IQCH: variants seen among roughly 807,000 people sequenced by gnomAD.
IQCH encodes the protein IQ motif containing H.
Under a neutral mutation model 117.0 loss-of-function variants are expected in IQCH, and 98 were observed. The ratio of observed to expected loss-of-function variants is 0.84; its 90% confidence interval spans 0.71 to 0.99. The LOEUF is 0.99. Among genes scored for constraint, IQCH ranks in the 50% least tolerant of loss-of-function variants. The pLI, the probability that IQCH is intolerant of heterozygous loss-of-function variation, is 0.00. For synonymous variants in IQCH, 412 were observed against 448.2 expected (o/e 0.92, Z 1.02); for missense variants, 1,102 against 1,243.8 (o/e 0.89, Z 1.72).
At position 67,404,656 on chromosome 15, in the gene IQCH, TTAAA is replaced by T. The variant is rs935777125; in HGVS notation, c.2097+4354_2097+4357del. 6.6e-6 allele frequency: 1 copy of T among 152,222 alleles called. No homozygotes were observed. The highest frequency in any genetic ancestry group is 2.4e-5 in the African/African-American group (1 of 41,458). 9.4% of individuals were successfully genotyped at this position (152,222 alleles called of 1,614,324 possible). On this transcript the variant is annotated intron_variant, in intron 14 of 20. Transcript: ENST00000335894. The surrounding 1 kb of genome is among the most constrained non-coding windows in gnomAD (Gnocchi z 4.6). ...GTATATGCTAGTTAAACATCAGATC[TTAAA>T]TATTTTCCATGTTTATACATAGTCG... is the stretch of plus-strand genomic sequence containing the variant.
chr15:67,379,019 G>T (rs2140811531), intron 10 of IQCH, among the ~76,000 whole-genome samples: 1 of 152,072 alleles, frequency 6.6e-6, no homozygotes, highest in Admixed American at 6.5e-5. Flanking sequence ...ACAATAATAA[G>T]CCCACTACCA....
intron 4 of IQCH, among the ~76,000 whole-genome samples, chr15:67,323,658 T>C (rs1968253947): frequency 6.6e-6 from 1 of 152,188 alleles, no homozygotes; most frequent in African/African-American, 2.4e-5. Flanking sequence ...ATATTCATCC[T>C]TAAGTTACCA....
At chr15:67,400,719 G>A (rs538199071) in intron 14 of IQCH, among the ~76,000 whole-genome samples, 3 of 150,838 alleles carry the variant, frequency 2.0e-5, no homozygotes, top group Admixed American at 1.3e-4. Flanking sequence ...GGCTGGTCTC[G>A]AACTCCTGAG....
In IQCH at chr15:67,472,059, T is replaced by C. The variant is rs2083083684; in HGVS notation, c.2677-3637T>C. 6.6e-6 allele frequency among the ~76,000 whole-genome samples: 1 copy of C among 152,316 alleles called. No homozygotes were observed. The highest frequency in any genetic ancestry group is 2.1e-4 in the South Asian group (1 of 4,828). On this transcript the variant is annotated intron_variant, in intron 17 of 20. Coordinates refer to ENST00000335894, the MANE Select transcript of IQCH (RefSeq NM_001031715.3). This position sits in a 1 kb window ranked among gnomAD's most constrained non-coding sequence, Gnocchi z 4.3. Reference sequence around the variant, plus strand: ...TAACATACACATGGATAAATGCCATTTGAGTGACAGACCCTCAGCTTGCTG... The same window carrying C: ...TAACATACACATGGATAAATGCCATCTGAGTGACAGACCCTCAGCTTGCTG...
intron 18 of IQCH, among the ~76,000 whole-genome samples, chr15:67,486,038 CTTTTTT>C (rs55963427): frequency 9.4e-6 from 1 of 106,358 alleles, no homozygotes; most frequent in East Asian, 2.8e-4. Flanking sequence ...GCTAAGTTTT[CTTTTTT>C]TTTTTTTTTT....
Position 67,473,806 on chromosome 15 carries a change from T to A in IQCH, c.2677-1890T>A, listed in dbSNP as rs2083130342. On this transcript the variant is annotated intron_variant, in intron 17 of 20. Transcript: ENST00000335894. This position sits in a 1 kb window ranked among gnomAD's most constrained non-coding sequence, Gnocchi z 4.9. ...AGTAGTGAGGCATATGAGGATCAAA[T>A]CAATTTTCTGTTGTTAGAAAAATCC... 6.6e-6 allele frequency among the ~76,000 whole-genome samples: 1 copy of A among 152,106 alleles called. No homozygotes were observed. Among genetic ancestry groups the A allele is most frequent in the Non-Finnish European group, 1.5e-5 (1 of 68,026 alleles).
Position 67,433,883 on chromosome 15 carries a change from G to T in IQCH, c.2505+12306G>T, listed in dbSNP as rs947391131. On this transcript the variant is annotated intron_variant, in intron 16 of 20. Transcript: ENST00000335894. The surrounding 1 kb of genome is among the most constrained non-coding windows in gnomAD (Gnocchi z 5.4). ...TTTCTAGTTCCAGCTGTCACCTGTG[G>T]TCAAGACTTTTTATGTGATAAATTT... 2.0e-5 allele frequency among the ~76,000 whole-genome samples: 3 copies of T among 152,166 alleles called. No homozygotes were observed. The highest frequency in any genetic ancestry group is 7.2e-5 in the African/African-American group (3 of 41,444).
At chr15:67,346,519 C>A (rs916626146) in intron 6 of IQCH, among the ~76,000 whole-genome samples, 2 of 152,278 alleles carry the variant, frequency 1.3e-5, no homozygotes, top group African/African-American at 4.8e-5. Flanking sequence ...CAATAGGGTT[C>A]TTGCTCCTAT....
At chr15:67,368,365 T>C (rs1050126920) in intron 8 of IQCH, among the ~76,000 whole-genome samples, 21 of 152,228 alleles carry the variant, frequency 1.4e-4, no homozygotes, top group Non-Finnish European at 4.4e-5. Flanking sequence ...TCTAGCCAGC[T>C]GAGGTCCTGA....
At chr15:67,352,975 G>A (rs11853367) in intron 6 of IQCH, among the ~76,000 whole-genome samples, 69,478 of 151,672 alleles carry the variant, frequency 0.46, 16,346 homozygotes, top group Non-Finnish European at 0.52. Flanking sequence ...GTGAAACCCC[G>A]TCTTTACTAA....
At chr15:67,350,517 C>G (rs992786763) in intron 6 of IQCH, among the ~76,000 whole-genome samples, 2 of 152,012 alleles carry the variant, frequency 1.3e-5, no homozygotes, top group Non-Finnish European at 2.9e-5. Context: ...ACCTCCGCCT[C>G]CCAGGTTCAA....
In IQCH at chr15:67,443,213, C is replaced by G. The variant is rs1184550588; in HGVS notation, c.2505+21636C>G. 2.6e-5 allele frequency among the ~76,000 whole-genome samples: 4 copies of G among 152,088 alleles called. No homozygotes were observed. In the South Asian group the frequency reaches 8.3e-4, roughly 32 times the overall value. On this transcript the variant is annotated intron_variant, in intron 16 of 20. Coordinates refer to ENST00000335894, the MANE Select transcript of IQCH (RefSeq NM_001031715.3). This position sits in a 1 kb window ranked among gnomAD's most constrained non-coding sequence, Gnocchi z 5.0. ...TTCACCGTGTTAACCAGGATGGTCTCGATCTCCTGAACTCGTCATCCACCC... is the reference window on the plus strand; with the variant it reads ...TTCACCGTGTTAACCAGGATGGTCTGGATCTCCTGAACTCGTCATCCACCC...
chr15:67,292,723 T>G (rs1966794026), intron 4 of IQCH, among the ~76,000 whole-genome samples: 1 of 152,218 alleles, frequency 6.6e-6, no homozygotes, highest in African/African-American at 2.4e-5. Flanking sequence ...CCCTTAATGC[T>G]TTTAACATGA....
intron 3 of IQCH, among the ~76,000 whole-genome samples, chr15:67,277,677 G>A (rs553071518): frequency 5.9e-4 from 90 of 151,958 alleles, no homozygotes; most frequent in Non-Finnish European, 1.1e-3. Context: ...GGAACAACAG[G>A]CACATGCCAC....
In IQCH at chr15:67,376,548, A is replaced by G. The variant is rs1306150734; in HGVS notation, c.1372+3115A>G. Among the ~76,000 whole-genome samples the G allele has an allele frequency of 2.0e-5, 3 of 152,214 alleles. No individual in the cohort carries two copies. Among genetic ancestry groups the G allele is most frequent in the Non-Finnish European group, 4.4e-5 (3 of 68,034 alleles). The stretch of plus-strand genomic sequence containing the variant: ...AATTAGCTCTACAAATAATTACACC[A>G]TGCTGCTAGCCAATTGGGGCTGCAC... On this transcript the variant is annotated intron_variant, in intron 10 of 20. Coordinates refer to ENST00000335894, the MANE Select transcript of IQCH (RefSeq NM_001031715.3). This position sits in a 1 kb window ranked among gnomAD's most constrained non-coding sequence, Gnocchi z 5.0.
intron 6 of IQCH, among the ~76,000 whole-genome samples, chr15:67,344,941 T>G (rs1969322045): frequency 6.6e-6 from 1 of 152,098 alleles, no homozygotes; most frequent in Admixed American, 6.6e-5. Flanking sequence ...AGGAGTAGGG[T>G]GAGAAGTGAC....
chr15:67,395,020 G>T lies in IQCH; in HGVS notation c.1633-271G>T, dbSNP rs2140854397. Among the ~76,000 whole-genome samples, 2 of 152,200 alleles carry T rather than the reference G, an allele frequency of 1.3e-5. No homozygotes were observed. The highest frequency in any genetic ancestry group is 2.9e-5 in the Non-Finnish European group (2 of 68,016). The stretch of plus-strand genomic sequence containing the variant: ...AAGGCCGCCAGCCTCTTTTCCTTCT[G>T]ACAGAAGGATAATTCCACGTGGATC... On this transcript the variant is annotated intron_variant, in intron 12 of 20. Transcript: ENST00000335894. The surrounding 1 kb of genome is among the most constrained non-coding windows in gnomAD (Gnocchi z 4.0).
intron 18 of IQCH, among the ~76,000 whole-genome samples, chr15:67,484,740 CA>C (rs943046380): frequency 3.0e-4 from 43 of 141,410 alleles, no homozygotes; most frequent in Admixed American, 6.4e-4. Flanking sequence ...GACTCCATCT[CA>C]AAAAAAAAAA....
At position 67,436,108 on chromosome 15, in the gene IQCH, C is replaced by G. The variant is rs2140953350; in HGVS notation, c.2505+14531C>G. ...ATATGGCACCACTGGTTGCTTCTCTCATTGATCATGTCCACAAGACTCTCC... is the reference window on the plus strand; with the variant it reads ...ATATGGCACCACTGGTTGCTTCTCTGATTGATCATGTCCACAAGACTCTCC... On this transcript the variant is annotated intron_variant, in intron 16 of 20. Coordinates refer to ENST00000335894, the MANE Select transcript of IQCH (RefSeq NM_001031715.3). This position sits in a 1 kb window ranked among gnomAD's most constrained non-coding sequence, Gnocchi z 5.1. Among the ~76,000 whole-genome samples the G allele has an allele frequency of 6.6e-6, 1 of 152,276 alleles. No individual in the cohort carries two copies. Among genetic ancestry groups the G allele is most frequent in the African/African-American group, 2.4e-5 (1 of 41,552 alleles).
Sources: gnomAD v4.1 joint callset for allele counts (sites outside exome capture counted in the v4.1 genomes callset) on GRCh38, gnomAD v4.1.1 for gene constraint, Gnocchi (gnomAD v3.1) non-coding constraint, MANE v1.5 for transcripts, NCBI Gene and HGNC (gene_info 2026-07-23, HGNC 2026-07-21) for gene names.